Variants in RUNX1T1 observed in about 807,000 individuals in gnomAD.
The protein encoded by RUNX1T1 is protein CBFA2T1.
RUNX1T1 carries 4 observed loss-of-function variants against 62.8 expected under a neutral mutation model. The ratio of observed to expected loss-of-function variants is 0.06; its 90% CI spans 0.03 to 0.15. The LOEUF (loss-of-function observed/expected upper bound fraction) is 0.15, where lower values mean the gene tolerates loss of function less well. RUNX1T1 is among the 10% of genes least tolerant of loss of function. The pLI, the probability that RUNX1T1 is intolerant of heterozygous loss-of-function variation, is 1.00. For missense variants in RUNX1T1, 508 were observed against 754.3 expected, an observed-to-expected ratio of 0.67 and a Z score of 3.82; for synonymous variants, 291 against 286.0, an observed-to-expected ratio of 1.02 and a Z score of -0.18.
At chr8:92,017,184 A>AT (rs767900920) in intron 2 of RUNX1T1, 42 bp downstream of exon 3, 2 of 1,372,574 alleles carry the variant, frequency 1.5e-6, no homozygotes, top group Non-Finnish European at 2.0e-6. Context: ...ATTTAATTTA[A>AT]ACTTTAAAAC....
intron 6 of RUNX1T1, among the ~76,000 whole-genome samples, chr8:91,989,352 C>T (rs960404085): frequency 2.6e-5 from 4 of 152,142 alleles, no homozygotes; most frequent in African/African-American, 9.7e-5. Context: ...CATTAACACA[C>T]ACTAAACTCT....
intron 3 of RUNX1T1, among the ~76,000 whole-genome samples, chr8:92,012,025 G>A (rs1822041346): frequency 6.6e-6 from 1 of 152,128 alleles, no homozygotes; most frequent in South Asian, 2.1e-4. Flanking sequence ...TTGGGAATTT[G>A]TGACCTAACG....
chr8:92,011,833 T>C (rs191723515), intron 3 of RUNX1T1, among the ~76,000 whole-genome samples: 33 of 152,306 alleles, frequency 2.2e-4, no homozygotes, highest in African/African-American at 7.9e-4. Flanking sequence ...TACTCAGGAT[T>C]TGTATCCTAC....
chr8:92,066,079 T>C (rs751249994), upstream of RUNX1T1, among the ~76,000 whole-genome samples: 4 of 152,178 alleles, frequency 2.6e-5, no homozygotes, highest in Non-Finnish European at 5.9e-5. Context: ...AAGGGCAAAA[T>C]GGGTTCAAAT....
intron 6 of RUNX1T1, among the ~76,000 whole-genome samples, chr8:91,989,127 A>C (rs1177198741): frequency 1.3e-5 from 2 of 152,182 alleles, no homozygotes; most frequent in African/African-American, 2.4e-5. Context: ...AGAATATTTT[A>C]ACTAACTAGG....
exon 11 of RUNX1T1, chr8:91,959,475 C>CGTGT (rs375805701): frequency 0.028 from 947 of 34,020 alleles, 33 homozygotes; most frequent in African/African-American, 0.088. Context: ...TGTATATGTG[C>CGTGT]GTGTGTGTGT....
intron 2 of RUNX1T1, among the ~76,000 whole-genome samples, chr8:92,075,278 C>T (rs550430525): frequency 6.6e-6 from 1 of 152,362 alleles, no homozygotes; most frequent in South Asian, 2.1e-4. Context: ...CCACTATCCA[C>T]TAAACCTGGA....
At chr8:92,007,429 C>G (rs1821001824) in intron 4 of RUNX1T1, among the ~76,000 whole-genome samples, 1 of 151,856 alleles carries the variant, frequency 6.6e-6, no homozygotes, top group Non-Finnish European at 1.5e-5. Flanking sequence ...ATTATACCAC[C>G]ACACTTGCCT....
chr8:92,101,922 C>T (rs913354245), upstream of RUNX1T1, among the ~76,000 whole-genome samples: 6 of 152,132 alleles, frequency 3.9e-5, no homozygotes, highest in African/African-American at 7.2e-5. Context: ...GGCCCTGGAG[C>T]GCGTCTCCAC....
upstream of RUNX1T1, chr8:92,103,022 A>G: frequency 1.2e-6 from 1 of 834,506 alleles, no homozygotes; most frequent in Non-Finnish European, 1.6e-6. Flanking sequence ...GCTCGCCACG[A>G]GACCGCGGAG....
At chr8:92,060,549 ATAT>A (rs745740785) in intron 1 of RUNX1T1, among the ~76,000 whole-genome samples, 4,287 of 107,016 alleles carry the variant, frequency 0.04, 141 homozygotes, top group Middle Eastern at 0.089. Context: ...ATATATATAT[ATAT>A]ATGTGTGTGT....
At chr8:91,959,960 G>A (rs1810072068) in exon 11 of RUNX1T1, 1 of 454,514 alleles carries the variant, frequency 2.2e-6, no homozygotes, top group Non-Finnish European at 4.0e-6. Flanking sequence ...ACAGGGAGGA[G>A]GTCAAATCTA....
chr8:92,009,110 A>G (rs1189589424), intron 4 of RUNX1T1, among the ~76,000 whole-genome samples: 2 of 152,208 alleles, frequency 1.3e-5, no homozygotes, highest in East Asian at 3.9e-4. Context: ...AGGCTTCCAC[A>G]CGTGGTACTC....
intron 1 of RUNX1T1, among the ~76,000 whole-genome samples, chr8:92,035,540 AAT>A (rs1446029217): frequency 6.6e-6 from 1 of 152,086 alleles, no homozygotes; most frequent in African/African-American, 2.4e-5. Context: ...TAATATGGTC[AAT>A]ATAAAGGGAG....
chr8:91,989,148 A>G (rs1817159317), intron 6 of RUNX1T1, among the ~76,000 whole-genome samples: 1 of 152,204 alleles, frequency 6.6e-6, no homozygotes, highest in South Asian at 2.1e-4. Flanking sequence ...ATAAAACTCT[A>G]AGCTTACTTA....
intron 5 of RUNX1T1, 76 bp from the exon 7 acceptor site, chr8:91,991,965 C>T (rs550712781): frequency 6.7e-7 from 1 of 1,494,672 alleles, no homozygotes; most frequent in East Asian, 2.3e-5. Flanking sequence ...CATATTTGAG[C>T]TTGGAATAAA....
At chr8:92,007,247 C>G (rs966600087) in intron 4 of RUNX1T1, among the ~76,000 whole-genome samples, 1 of 152,108 alleles carries the variant, frequency 6.6e-6, no homozygotes, top group African/African-American at 2.4e-5. Flanking sequence ...GGGTGTATCA[C>G]TTGAGGTCAG....
At chr8:92,074,549 C>G (rs1435132549) in intron 2 of RUNX1T1, among the ~76,000 whole-genome samples, 2 of 152,028 alleles carry the variant, frequency 1.3e-5, no homozygotes, top group Non-Finnish European at 2.9e-5. Context: ...ATGTGGAAGC[C>G]CAAACTGGTG....
downstream of RUNX1T1, chr8:91,957,044 A>G (rs940339166): frequency 5.5e-5 from 12 of 216,544 alleles, no homozygotes; most frequent in African/African-American, 1.1e-4. Context: ...AGAGAAAAAG[A>G]GAAAGAGAAA....
Sources: gnomAD v4.1 joint callset for allele counts (sites outside exome capture counted in the v4.1 genomes callset) on GRCh38, gnomAD v4.1.1 for gene constraint, MANE v1.5 for transcripts, NCBI Gene and HGNC (gene_info 2026-07-23, HGNC 2026-07-21) for gene names.